The following MMAA variants were observed in gnomAD, a reference collection of about 807,000 sequenced individuals.
MMAA encodes the protein methylmalonic aciduria type A protein, mitochondrial.
In MMAA, 41 loss-of-function variants were observed where a neutral mutation model predicts 45.0. The ratio of observed to expected loss-of-function variants is 0.91; its 90% CI spans 0.71 to 1.18. The LOEUF is 1.18. Among genes scored for constraint, MMAA ranks in the 50% most tolerant of loss-of-function variants. The pLI, the probability that MMAA is intolerant of heterozygous loss-of-function variation, is 0.00. For missense variants in MMAA, 460 were observed against 495.7 expected, an observed-to-expected ratio of 0.93 and a Z score of 0.68; for synonymous variants, 154 against 178.2, an observed-to-expected ratio of 0.86 and a Z score of 1.08.
At chr4:145,630,449 C>T (rs1188707710) in intron 1 of MMAA, among the ~76,000 whole-genome samples, 1 of 152,064 alleles carries the variant, frequency 6.6e-6, no homozygotes, top group Non-Finnish European at 1.5e-5. Flanking sequence ...ATTGTTTAGG[C>T]CGGGTGCGGT....
At chr4:145,642,001 A>G (rs1327567427) in intron 2 of MMAA, among the ~76,000 whole-genome samples, 1 of 152,218 alleles carries the variant, frequency 6.6e-6, no homozygotes, top group African/African-American at 2.4e-5. Flanking sequence ...AGGTAGGTAG[A>G]ATAATTACTG....
At chr4:145,635,907 A>G (rs1337854698) in intron 1 of MMAA, among the ~76,000 whole-genome samples, 1 of 152,230 alleles carries the variant, frequency 6.6e-6, no homozygotes, top group African/African-American at 2.4e-5. Context: ...TTATTTTAAT[A>G]TAATTTATTA....
At chr4:145,625,958 G>A (rs1734197323) in intron 1 of MMAA, 1 of 1,585,402 alleles carries the variant, frequency 6.3e-7, no homozygotes, top group Non-Finnish European at 8.7e-7. Flanking sequence ...CAAGCTCCAA[G>A]TCCCTCCGTG....
chr4:145,644,086 T>G (rs1305679384), intron 3 of MMAA, among the ~76,000 whole-genome samples: 1 of 152,228 alleles, frequency 6.6e-6, no homozygotes, highest in Non-Finnish European at 1.5e-5. Context: ...TTTTTTGGTC[T>G]ATAGTCAATC....
intron 1 of MMAA, chr4:145,625,607 G>A: frequency 1.2e-6 from 1 of 819,936 alleles, no homozygotes; most frequent in Non-Finnish European, 2.2e-6. Context: ...GAGCAGTTGT[G>A]TCAGCTTCAA....
intron 1 of MMAA, among the ~76,000 whole-genome samples, chr4:145,622,384 TA>T (rs1734106470): frequency 6.6e-6 from 1 of 152,198 alleles, no homozygotes; most frequent in South Asian, 2.1e-4. Flanking sequence ...TTTTCCTGTA[TA>T]AATTACCCAG....
intron 6 of MMAA, 32 bp downstream of exon 6, chr4:145,654,175 C>T (rs901730572): frequency 6.2e-7 from 1 of 1,613,146 alleles, no homozygotes; most frequent in Non-Finnish European, 8.5e-7. Context: ...ATCTTTCACT[C>T]TGAATGGATT....
At chr4:145,633,640 G>T (rs1484463057) in intron 1 of MMAA, among the ~76,000 whole-genome samples, 1 of 152,160 alleles carries the variant, frequency 6.6e-6, no homozygotes, top group African/African-American at 2.4e-5. Context: ...GGGTGGTCTT[G>T]ATACTTACAG....
rs759767682 is a variant in MMAA at position 145,651,048 on chromosome 4, A to G, written c.734-14A>G. 6.2e-7 allele frequency: 1 copy of G among 1,612,556 alleles called. No individual in the cohort carries two copies. The highest frequency in any genetic ancestry group is 1.1e-5 in the South Asian group (1 of 91,064). On this transcript the variant is annotated splice_polypyrimidine_tract_variant and intron_variant, in intron 4 of 6. Transcript: ENST00000649156. ...GTGAGTATTTTAGGATATAGTTGTG[A>G]TTTACAATTTCAGGTGTGGGTCAGT...
At chr4:145,633,196 CTTTTTTTTTTTTT>C (rs941603291) in intron 1 of MMAA, among the ~76,000 whole-genome samples, 1 of 88,476 alleles carries the variant, frequency 1.1e-5, no homozygotes, top group Non-Finnish European at 2.2e-5. Context: ...ATTTCTTTTT[CTTTTTTTTTTTTT>C]TTTTTTTTGA....
At chr4:145,628,319 T>C (rs997867597) in intron 1 of MMAA, among the ~76,000 whole-genome samples, 11 of 152,350 alleles carry the variant, frequency 7.2e-5, no homozygotes, top group African/African-American at 2.2e-4. Context: ...CACAAATTTA[T>C]TATCTTACAG....
chr4:145,640,118 T>G (rs1364050798), intron 2 of MMAA, among the ~76,000 whole-genome samples: 2 of 152,176 alleles, frequency 1.3e-5, no homozygotes, highest in Non-Finnish European at 2.9e-5. Flanking sequence ...TTTTTGTACT[T>G]TATTTTTTGA....
Position 145,625,605 on chromosome 4 carries a change from G to A in MMAA, c.-66+6198G>A, listed in dbSNP as rs1218075298. 4 of 809,340 alleles carry A rather than the reference G, an allele frequency of 4.9e-6. No homozygotes were observed. The African/African-American group carries it at 6.7e-5, about 14-fold the overall frequency. The allele number at this position is 809,340 out of a possible 1,614,324, so 50.1% of individuals were successfully genotyped here. ...GGTGATGGTCTGGCACAGAGCAGTT[G>A]TGTCAGCTTCAAAGAGTAGGACATT... On this transcript the variant is annotated intron_variant, in intron 1 of 6. Coordinates refer to ENST00000649156, the MANE Select transcript of MMAA (RefSeq NM_172250.3).
At position 145,657,894 on chromosome 4, in the gene MMAA, C is replaced by G. The variant is rs546490347; in HGVS notation, c.*2460C>G. On this transcript the variant is annotated 3_prime_UTR_variant, in exon 7 of 7. Transcript: ENST00000649156. ...CCCAAGTCTCATGTTGAAATGTAATCCCCAATCTTGGAGGTGGAGCCTGGT... is the reference window on the plus strand; with the variant it reads ...CCCAAGTCTCATGTTGAAATGTAATGCCCAATCTTGGAGGTGGAGCCTGGT... 7.9e-5 allele frequency: 12 copies of G among 152,290 alleles called. No individual in the cohort carries two copies. The highest frequency in any genetic ancestry group is 1.6e-4 in the Non-Finnish European group (11 of 68,040). The allele number at this position is 152,290 out of a possible 1,614,324, so 9.4% of individuals were successfully genotyped here.
chr4:145,632,917 A>AT (rs1023666034), intron 1 of MMAA, among the ~76,000 whole-genome samples: 11 of 151,468 alleles, frequency 7.3e-5, no homozygotes, highest in Admixed American at 5.3e-4. Context: ...CACCCAGCTA[A>AT]TTTTTTTGTT....
At chr4:145,619,722 G>A (rs1734053464) in intron 1 of MMAA, among the ~76,000 whole-genome samples, 1 of 152,168 alleles carries the variant, frequency 6.6e-6, no homozygotes, top group Admixed American at 6.5e-5. Flanking sequence ...CAGCAAGGCA[G>A]CTTTGTTAAG....
chr4:145,639,948 T>C (rs1727735491), intron 2 of MMAA: 1 of 590,400 alleles, frequency 1.7e-6, no homozygotes, highest in Non-Finnish European at 2.1e-6. Flanking sequence ...TCGTATCAAC[T>C]ATAATTATCA....
At chr4:145,624,685 G>T in intron 1 of MMAA, 1 of 1,514,462 alleles carries the variant, frequency 6.6e-7, no homozygotes, top group Non-Finnish European at 9.1e-7. Flanking sequence ...TCAGGTTTGG[G>T]TTCCATGGGC....
intron 2 of MMAA, 67 bp from the exon 3 acceptor site, chr4:145,642,296 C>T: frequency 2.6e-6 from 4 of 1,553,892 alleles, no homozygotes; most frequent in Admixed American, 1.7e-5. Context: ...ATATTTTACT[C>T]AGTAAAACTG....
Sources: allele counts gnomAD v4.1 joint callset (sites outside exome capture counted in the v4.1 genomes callset), GRCh38; gene constraint gnomAD v4.1.1; transcripts MANE v1.5; gene names NCBI Gene and HGNC (gene_info 2026-07-23, HGNC 2026-07-21).